EYA4: variants seen among roughly 807,000 people sequenced by gnomAD.
EYA4 encodes protein phosphatase EYA4.
A neutral mutation model predicts 87.9 loss-of-function variants in EYA4; 31 were observed. The ratio of observed to expected loss-of-function variants is 0.35; its 90% CI spans 0.27 to 0.48. EYA4 has a LOEUF of 0.48. Among genes scored for constraint, EYA4 ranks in the 20% least tolerant of loss-of-function variants. The pLI, the probability that EYA4 is intolerant of heterozygous loss-of-function variation, is 0.99. For missense variants in EYA4, 678 were observed against 761.4 expected (o/e 0.89, Z 1.29); for synonymous variants, 263 against 270.6 (o/e 0.97, Z 0.28).
intron 2 of EYA4, among the ~76,000 whole-genome samples, chr6:133,320,580 C>T (rs989926756): frequency 1.3e-5 from 2 of 151,682 alleles, no homozygotes; most frequent in Non-Finnish European, 2.9e-5. Context: ...ATTATATAGA[C>T]ATATTGTGTA....
At chr6:133,306,981 T>C (rs1779857978) in intron 2 of EYA4, among the ~76,000 whole-genome samples, 1 of 152,248 alleles carries the variant, frequency 6.6e-6, no homozygotes, top group Non-Finnish European at 1.5e-5. Flanking sequence ...ACAGTAAGTG[T>C]TATAACCAAA....
At chr6:133,342,518 C>G (rs2128408628) in intron 2 of EYA4, among the ~76,000 whole-genome samples, 1 of 141,278 alleles carries the variant, frequency 7.1e-6, no homozygotes, top group East Asian at 2.1e-4. Context: ...CATTCATTAC[C>G]AGGATTACCT....
rs528301689 is a variant in EYA4 at position 133,318,979 on chromosome 6, A to G, written c.33+44166A>G. 6.6e-5 allele frequency among the ~76,000 whole-genome samples: 10 copies of G among 152,344 alleles called. No homozygotes were observed. The South Asian group carries it at 1.9e-3, about 28-fold the overall frequency. Reference sequence around the variant, plus strand: ...TTGTGTCCAAGCAGTGAATCTGGTTATAGGAGGCCACATTTACAGCATTTC... The same window carrying G: ...TTGTGTCCAAGCAGTGAATCTGGTTGTAGGAGGCCACATTTACAGCATTTC... On this transcript the variant is annotated intron_variant, in intron 2 of 19. Coordinates refer to ENST00000355286, the MANE Select transcript of EYA4 (RefSeq NM_004100.5).
intron 2 of EYA4, among the ~76,000 whole-genome samples, chr6:133,342,199 C>T (rs9375956): frequency 0.16 from 23,473 of 151,434 alleles, 2,133 homozygotes; most frequent in Admixed American, 0.26. Context: ...TGGGTTTCTT[C>T]GGTAGCAGGG....
intron 2 of EYA4, among the ~76,000 whole-genome samples, chr6:133,286,222 T>G (rs1420564504): frequency 1.3e-5 from 2 of 152,128 alleles, no homozygotes; most frequent in African/African-American, 4.8e-5. Flanking sequence ...GTGCACTGCA[T>G]GGGGGGCACA....
intron 5 of EYA4, among the ~76,000 whole-genome samples, chr6:133,449,422 A>T (rs1362159091): frequency 6.6e-6 from 1 of 152,262 alleles, no homozygotes; most frequent in Non-Finnish European, 1.5e-5. Context: ...TGTTTAACAC[A>T]AGCAACATTA....
In EYA4 at chr6:133,446,643, C is replaced by CAGG; in HGVS notation, c.99_101dup (p.Gln33_Asp34insGlu). 6.2e-7 allele frequency: 1 copy of CAGG among 1,613,856 alleles called. No homozygotes were observed. The highest frequency in any genetic ancestry group is 8.5e-7 in the Non-Finnish European group (1 of 1,179,832). ...CTGCTCTACCAGGTCTATGGAAATG[C>CAGG]AGGACCTAGCAAGTCCTCATACTCT... On this transcript the variant is annotated inframe_insertion, in exon 4 of 20. Coordinates refer to ENST00000355286, the MANE Select transcript of EYA4 (RefSeq NM_004100.5).
At chr6:133,450,498 A>G (rs1340804732) in intron 5 of EYA4, among the ~76,000 whole-genome samples, 1 of 152,064 alleles carries the variant, frequency 6.6e-6, no homozygotes, top group South Asian at 2.1e-4. Context: ...GAGATGTTCA[A>G]AAAGATTCTT....
intron 3 of EYA4, among the ~76,000 whole-genome samples, chr6:133,393,900 A>G (rs964968988): frequency 6.6e-5 from 10 of 152,152 alleles, no homozygotes; most frequent in African/African-American, 2.4e-4. Context: ...GGCTTTTTCT[A>G]AAGTAGTGTT....
intron 3 of EYA4, among the ~76,000 whole-genome samples, chr6:133,441,861 T>C (rs1261847159): frequency 1.3e-5 from 2 of 151,860 alleles, no homozygotes; most frequent in East Asian, 3.9e-4. Flanking sequence ...AGTTTAAAAG[T>C]AGAAGGCAAA....
chr6:133,249,841 C>G (rs921678182), intron 1 of EYA4, among the ~76,000 whole-genome samples: 1 of 152,230 alleles, frequency 6.6e-6, no homozygotes, highest in Admixed American at 6.5e-5. Context: ...CTACATTTAA[C>G]ATAGCCCTTG....
intron 3 of EYA4, among the ~76,000 whole-genome samples, chr6:133,428,876 C>A (rs1461463984): frequency 6.9e-6 from 1 of 144,296 alleles, no homozygotes; most frequent in African/African-American, 2.5e-5. Flanking sequence ...AAGAATTAGG[C>A]CTCCATCTTC....
chr6:133,364,411 G>A (rs1397707335), intron 2 of EYA4, among the ~76,000 whole-genome samples: 11 of 152,110 alleles, frequency 7.2e-5, no homozygotes, highest in Admixed American at 5.2e-4. Flanking sequence ...CTGCTGCCTC[G>A]CTTCATCAGG....
intron 1 of EYA4, among the ~76,000 whole-genome samples, chr6:133,249,693 C>T (rs1774727690): frequency 6.6e-6 from 1 of 152,104 alleles, no homozygotes; most frequent in Admixed American, 6.5e-5. Flanking sequence ...AAACATCGCC[C>T]CTCTCCCCCT....
intron 2 of EYA4, among the ~76,000 whole-genome samples, chr6:133,291,495 A>G (rs565763629): frequency 6.6e-6 from 1 of 152,304 alleles, no homozygotes; most frequent in East Asian, 1.9e-4. Flanking sequence ...ATGATTTTAT[A>G]TATTGCTTAA....
At chr6:133,514,003 A>G (rs1209714022) in intron 16 of EYA4, among the ~76,000 whole-genome samples, 1 of 152,180 alleles carries the variant, frequency 6.6e-6, no homozygotes, top group Non-Finnish European at 1.5e-5. Flanking sequence ...GGGTGGGGCT[A>G]TGTGTCTGGT....
At chr6:133,393,742 A>G (rs1269404016) in intron 3 of EYA4, among the ~76,000 whole-genome samples, 1 of 152,156 alleles carries the variant, frequency 6.6e-6, no homozygotes, top group African/African-American at 2.4e-5. Flanking sequence ...TCTTGGACTA[A>G]TTGCCTCTTT....
chr6:133,525,895 A>G, intron 19 of EYA4: 7 of 985,332 alleles, frequency 7.1e-6, no homozygotes, highest in Non-Finnish European at 7.2e-6. Context: ...AACTTGTCTT[A>G]GCCGTAATGT....
intron 19 of EYA4, 49 bp from the exon 20 acceptor site, chr6:133,528,676 T>C (rs375752230): frequency 3.1e-6 from 4 of 1,292,112 alleles, no homozygotes; most frequent in African/African-American, 1.5e-5. Flanking sequence ...TCTCCATGCC[T>C]CATTCCTTCC....
Sources: allele counts gnomAD v4.1 joint callset (sites outside exome capture counted in the v4.1 genomes callset), GRCh38; gene constraint gnomAD v4.1.1; transcripts MANE v1.5; gene names NCBI Gene and HGNC (gene_info 2026-07-23, HGNC 2026-07-21).